PTGFRN: variants seen among roughly 807,000 people sequenced by gnomAD.
PTGFRN encodes the protein prostaglandin F2 receptor negative regulator.
Under a neutral mutation model 83.2 loss-of-function variants are expected in PTGFRN, and 35 were observed. The ratio of observed to expected loss-of-function variants is 0.42; its 90% CI spans 0.32 to 0.56. The LOEUF (loss-of-function observed/expected upper bound fraction) is 0.56. Among genes scored for constraint, PTGFRN ranks in the 20% least tolerant of loss-of-function variants. PTGFRN has a pLI of 0.11. For synonymous variants in PTGFRN, 519 were observed against 498.6 expected (o/e 1.04, Z -0.55); for missense variants, 1,051 against 1,179.5 (o/e 0.89, Z 1.60).
chr1:116,963,445 C>G (rs1484047334), intron 5 of PTGFRN, among the ~76,000 whole-genome samples: 4 of 152,196 alleles, frequency 2.6e-5, no homozygotes, highest in African/African-American at 7.2e-5. Context: ...AGAGGCCAGC[C>G]CCTCTCACTA....
intron 1 of PTGFRN, among the ~76,000 whole-genome samples, chr1:116,929,994 C>A (rs1649754187): frequency 6.6e-6 from 1 of 152,206 alleles, no homozygotes. Context: ...GCCATCAGTT[C>A]ATTTCTCTTT....
intron 6 of PTGFRN, among the ~76,000 whole-genome samples, chr1:116,968,034 T>C (rs561716523): frequency 1.3e-5 from 2 of 152,358 alleles, no homozygotes; most frequent in South Asian, 4.1e-4. Flanking sequence ...TCCCAAGGTG[T>C]TAAATGACTT....
At position 116,967,227 on chromosome 1, in the gene PTGFRN, G is replaced by A. The variant is rs531127528; in HGVS notation, c.1956G>A (p.Leu652=). The A allele has an allele frequency of 1.2e-6, 2 of 1,614,228 alleles. No homozygotes were observed. Among genetic ancestry groups the A allele is most frequent in the East Asian group, 2.2e-5 (1 of 44,880 alleles). ...AGACTCAGGTCTCAGACGCAGGGCTGTACCGCTGCATGGTGACAGCCTGGT... is the reference window on the plus strand; with the variant it reads ...AGACTCAGGTCTCAGACGCAGGGCTATACCGCTGCATGGTGACAGCCTGGT... ...MYQTQVSDAG[L]YRCMVTAWSP... is the part of the protein sequence containing the mutation. The change falls in exon 6 of 9, where the codon CTG becomes CTA. Residue 652 remains leucine (L), a synonymous_variant. Coordinates refer to ENST00000393203, the MANE Select transcript of PTGFRN (RefSeq NM_020440.4).
intron 7 of PTGFRN, among the ~76,000 whole-genome samples, chr1:116,975,165 C>T (rs1281601461): frequency 6.6e-6 from 1 of 152,140 alleles, no homozygotes. Context: ...AAGGTGGCAG[C>T]GAGGCTGGGG....
rs949759840 is a variant in PTGFRN at position 116,923,368 on chromosome 1, G to A, written c.49+13116G>A. ...CTTTTGTTTGGAAAGAATTGCGTGT[G>A]ACTTCATTTCTAAGACAGGTTTTTG... On this transcript the variant is annotated intron_variant, in intron 1 of 8. Coordinates refer to ENST00000393203, the MANE Select transcript of PTGFRN (RefSeq NM_020440.4). This position sits in a 1 kb window ranked among gnomAD's most constrained non-coding sequence, Gnocchi z 4.0. Among the ~76,000 whole-genome samples the A allele has an allele frequency of 7.9e-5, 12 of 152,154 alleles. No homozygotes were observed. The highest frequency in any genetic ancestry group is 2.9e-4 in the African/African-American group (12 of 41,428).
chr1:116,936,807 C>T (rs548672750), intron 1 of PTGFRN, among the ~76,000 whole-genome samples: 42 of 152,216 alleles, frequency 2.8e-4, no homozygotes, highest in African/African-American at 9.9e-4. Flanking sequence ...ATTCATTTAA[C>T]AAATATTTAT....
At chr1:116,945,189 GA>G in intron 3 of PTGFRN, 97 bp downstream of exon 3, 1 of 1,441,456 alleles carries the variant, frequency 6.9e-7, no homozygotes, top group Non-Finnish European at 9.2e-7. Context: ...CTTCTGACAA[GA>G]ACTGTTTCTG....
intron 6 of PTGFRN, among the ~76,000 whole-genome samples, chr1:116,970,281 AGT>A (rs1570673908): frequency 6.6e-6 from 1 of 151,754 alleles, no homozygotes; most frequent in Non-Finnish European, 1.5e-5. Flanking sequence ...TTCCACTCCT[AGT>A]GTGTTTCCTT....
At chr1:116,926,361 C>T (rs2250096) in intron 1 of PTGFRN, among the ~76,000 whole-genome samples, 25,226 of 152,158 alleles carry the variant, frequency 0.17, 4,456 homozygotes, top group African/African-American at 0.44. Flanking sequence ...AATGGCTGAG[C>T]AGGGAGGGAT....
At chr1:116,953,238 A>AG (rs1650393138) in intron 4 of PTGFRN, among the ~76,000 whole-genome samples, 1 of 152,204 alleles carries the variant, frequency 6.6e-6, no homozygotes, top group African/African-American at 2.4e-5. Flanking sequence ...TGTGCCAGCA[A>AG]GGAAGGTAAT....
chr1:116,948,598 A>C (rs1418050474), intron 3 of PTGFRN, among the ~76,000 whole-genome samples: 1 of 152,076 alleles, frequency 6.6e-6, no homozygotes, highest in East Asian at 1.9e-4. Context: ...AGACAGTTTC[A>C]CCCTCACTTC....
chr1:116,927,939 TTGGAGAACA>T (rs1487591470), intron 1 of PTGFRN, among the ~76,000 whole-genome samples: 1 of 152,178 alleles, frequency 6.6e-6, no homozygotes, highest in African/African-American at 2.4e-5. Context: ...CTTGTTTGAT[TTGGAGAACA>T]TGCGTATGAA....
At chr1:116,916,820 G>A (rs1363358944) in intron 1 of PTGFRN, among the ~76,000 whole-genome samples, 5 of 152,072 alleles carry the variant, frequency 3.3e-5, no homozygotes, top group Admixed American at 6.6e-5. Flanking sequence ...ATTACACGCC[G>A]GGCATTGTTC....
chr1:116,985,312 C>G (rs184028556), intron 8 of PTGFRN, among the ~76,000 whole-genome samples: 6 of 152,146 alleles, frequency 3.9e-5, no homozygotes, highest in Non-Finnish European at 7.4e-5. Flanking sequence ...TAGGCACAGG[C>G]AGAGAGCAGC....
chr1:116,940,226 T>C (rs1341109546), intron 1 of PTGFRN, among the ~76,000 whole-genome samples: 1 of 152,178 alleles, frequency 6.6e-6, no homozygotes, highest in African/African-American at 2.4e-5. Flanking sequence ...AAGATCAAGG[T>C]GTCGGGGAGT....
At chr1:116,975,670 T>G (rs1009557900) in intron 7 of PTGFRN, among the ~76,000 whole-genome samples, 1 of 152,140 alleles carries the variant, frequency 6.6e-6, no homozygotes, top group African/African-American at 2.4e-5. Context: ...GTCCTGACTG[T>G]TAGAAGGAAA....
In PTGFRN at chr1:116,986,885, G is replaced by A; in HGVS notation, c.2558G>A (p.Cys853Tyr). The change falls in exon 9 of 9, where the codon TGC becomes TAC. Residue 853 changes from cysteine to tyrosine, a missense_variant. Transcript: ENST00000393203. ...CTCCTGTCCTGTCTCATCGGGTACTGCAGCTCCCACTGGTGTTGTAAGAAG... is the reference window on the plus strand; with the variant it reads ...CTCCTGTCCTGTCTCATCGGGTACTACAGCTCCCACTGGTGTTGTAAGAAG... ...IGLLSCLIGY[C>Y]SSHWCCKKEV... 1 of 1,614,250 alleles carries A rather than the reference G, an allele frequency of 6.2e-7. No homozygotes were observed. The highest frequency in any genetic ancestry group is 8.5e-7 in the Non-Finnish European group (1 of 1,180,042).
At chr1:116,982,660 C>A (rs778029745) in intron 7 of PTGFRN, among the ~76,000 whole-genome samples, 1 of 152,068 alleles carries the variant, frequency 6.6e-6, no homozygotes, top group African/African-American at 2.4e-5. Context: ...GAAGGCAAGT[C>A]GAGGTGTGAA....
chr1:116,986,737 G>A (rs1651499009), intron 8 of PTGFRN, 64 bp from the exon 9 acceptor site: 1 of 1,518,978 alleles, frequency 6.6e-7, no homozygotes. Context: ...GGGAGGCGAG[G>A]GTGCCCCCAA....
Sources: gnomAD v4.1 joint callset for allele counts (sites outside exome capture counted in the v4.1 genomes callset) on GRCh38, gnomAD v4.1.1 for gene constraint, Gnocchi (gnomAD v3.1) non-coding constraint, MANE v1.5 for transcripts, NCBI Gene and HGNC (gene_info 2026-07-23, HGNC 2026-07-21) for gene names.